Variants in LYN observed in about 807,000 individuals in gnomAD.
LYN encodes LYN proto-oncogene, Src family tyrosine kinase.
Under a neutral mutation model 65.0 loss-of-function variants are expected in LYN, and 12 were observed. The observed-to-expected ratio is 0.18, with a 90% CI of 0.12 to 0.30. The LOEUF (loss-of-function observed/expected upper bound fraction) is 0.30. Among genes scored for constraint, LYN ranks in the 10% least tolerant of loss-of-function variants. LYN has a pLI of 1.00. For synonymous variants in LYN, 222 were observed against 221.2 expected (o/e 1.00, Z -0.03); for missense variants, 380 against 623.2 (o/e 0.61, Z 4.16).
intron 1 of LYN, among the ~76,000 whole-genome samples, chr8:55,880,738 C>G (rs7831638): frequency 6.6e-6 from 1 of 152,210 alleles, no homozygotes; most frequent in African/African-American, 2.4e-5. Context: ...GAGGAGCAGT[C>G]CGGTGCTTTT....
chr8:55,938,427 A>T (rs376798929), intron 1 of LYN, among the ~76,000 whole-genome samples: 1 of 152,226 alleles, frequency 6.6e-6, no homozygotes, highest in South Asian at 2.1e-4. Context: ...AAAGTGCATT[A>T]TAAGCAAACT....
intron 1 of LYN, among the ~76,000 whole-genome samples, chr8:55,889,599 GT>G (rs943298745): frequency 1.3e-5 from 2 of 152,176 alleles, no homozygotes; most frequent in African/African-American, 2.4e-5. Context: ...TCCTAGAGGA[GT>G]TTATTGTGCT....
chr8:55,906,701 A>G (rs1470715480), intron 1 of LYN, among the ~76,000 whole-genome samples: 2 of 150,868 alleles, frequency 1.3e-5, no homozygotes, highest in Non-Finnish European at 2.9e-5. Flanking sequence ...AGCAAGACCC[A>G]GTCTCTACCA....
chr8:55,943,373 T>G (rs995023179), intron 2 of LYN, among the ~76,000 whole-genome samples: 5 of 151,836 alleles, frequency 3.3e-5, no homozygotes, highest in African/African-American at 1.2e-4. Context: ...GTCAGGAGTT[T>G]GAGACCAGCC....
chr8:55,948,140 A>AT lies in LYN; in HGVS notation c.284+422dup, dbSNP rs550133061. 2.0e-5 allele frequency among the ~76,000 whole-genome samples: 3 copies of AT among 152,218 alleles called. No individual in the cohort carries two copies. The South Asian group carries it at 6.2e-4, about 32-fold the overall frequency. ...AGGCATGTGCCACCAGGCCTGGCTA[A>AT]TTTTTAAAATTTTTGTAGAGATGGG... On this transcript the variant is annotated intron_variant, in intron 4 of 12. Coordinates refer to ENST00000519728, the MANE Select transcript of LYN (RefSeq NM_002350.4).
intron 11 of LYN, 95 bp from the exon 12 acceptor site, chr8:55,999,323 A>AAAAAG (rs1006451994): frequency 2.1e-5 from 25 of 1,185,942 alleles, no homozygotes; most frequent in Admixed American, 8.7e-5. Context: ...TCCGCCTCAA[A>AAAAAG]AAAAGAAAAG....
chr8:55,931,718 C>T (rs879503382), intron 1 of LYN, among the ~76,000 whole-genome samples: 16 of 151,812 alleles, frequency 1.1e-4, no homozygotes, highest in Admixed American at 6.6e-4. Context: ...TTAATAGTCA[C>T]TTAGTATTCT....
chr8:55,925,342 C>G (rs1806076665), intron 1 of LYN, among the ~76,000 whole-genome samples: 2 of 152,136 alleles, frequency 1.3e-5, no homozygotes, highest in African/African-American at 4.8e-5. Context: ...CCAGGCTGGT[C>G]TCGTACTCCT....
intron 10 of LYN, among the ~76,000 whole-genome samples, chr8:55,971,579 G>A (rs1473435741): frequency 1.3e-5 from 2 of 152,218 alleles, no homozygotes; most frequent in African/African-American, 4.8e-5. Flanking sequence ...TCCATCTGCT[G>A]GGGGTCTGAT....
At chr8:55,954,022 A>C in intron 8 of LYN, 38 bp downstream of exon 8, 1 of 1,605,356 alleles carries the variant, frequency 6.2e-7, no homozygotes, top group Non-Finnish European at 8.5e-7. Context: ...CCTTCTAGAG[A>C]TGGTGACAGG....
chr8:55,891,873 G>A (rs1399250098), intron 1 of LYN, among the ~76,000 whole-genome samples: 3 of 152,138 alleles, frequency 2.0e-5, no homozygotes, highest in Non-Finnish European at 4.4e-5. Flanking sequence ...TTGGCAGAGA[G>A]AGGACAGGAT....
chr8:55,911,246 C>T (rs62515361), intron 1 of LYN, among the ~76,000 whole-genome samples: 11 of 5,100 alleles, frequency 2.2e-3, no homozygotes, highest in Non-Finnish European at 3.3e-3. Context: ...TATATATATA[C>T]GTGTGTGTGT....
At chr8:55,918,379 A>G (rs992528657) in intron 1 of LYN, among the ~76,000 whole-genome samples, 2 of 152,164 alleles carry the variant, frequency 1.3e-5, no homozygotes, top group Non-Finnish European at 2.9e-5. Flanking sequence ...GCCCAGGCCT[A>G]ACTCCCAGAG....
chr8:56,007,229 T>C (rs1349305225), intron 12 of LYN, among the ~76,000 whole-genome samples: 1 of 152,194 alleles, frequency 6.6e-6, no homozygotes, highest in Non-Finnish European at 1.5e-5. Context: ...TCATACTGGA[T>C]GTTAGTCCTC....
At chr8:55,999,615 C>T (rs988360962) in intron 12 of LYN, 66 bp downstream of exon 12, 12 of 1,471,646 alleles carry the variant, frequency 8.2e-6, no homozygotes, top group Admixed American at 3.5e-5. Context: ...TGCATGAAGG[C>T]ATTAAAAAGT....
At chr8:56,003,571 G>A (rs1808590614) in intron 12 of LYN, among the ~76,000 whole-genome samples, 1 of 151,976 alleles carries the variant, frequency 6.6e-6, no homozygotes, top group African/African-American at 2.4e-5. Flanking sequence ...GAGAGGCTGA[G>A]GCAGAGAATC....
At chr8:55,983,352 A>G (rs1807981056) in intron 10 of LYN, among the ~76,000 whole-genome samples, 1 of 152,132 alleles carries the variant, frequency 6.6e-6, no homozygotes, top group African/African-American at 2.4e-5. Flanking sequence ...TTGCTGTTTC[A>G]AGACACTGTT....
chr8:55,993,124 C>T (rs545260363), intron 10 of LYN, among the ~76,000 whole-genome samples: 1 of 152,274 alleles, frequency 6.6e-6, no homozygotes, highest in Admixed American at 6.5e-5. Context: ...CTTCTTTCCT[C>T]ATGTTTAATT....
chr8:55,978,708 G>A (rs996473061), intron 10 of LYN, among the ~76,000 whole-genome samples: 2 of 152,180 alleles, frequency 1.3e-5, no homozygotes, highest in African/African-American at 4.8e-5. Context: ...GGAGGAGGTG[G>A]GGTTGCAGCG....
Sources: gnomAD v4.1 joint callset for allele counts (sites outside exome capture counted in the v4.1 genomes callset) on GRCh38, gnomAD v4.1.1 for gene constraint, MANE v1.5 for transcripts, NCBI Gene and HGNC (gene_info 2026-07-23, HGNC 2026-07-21) for gene names.